The following TXNL4A variants were observed in gnomAD, a reference collection of about 807,000 sequenced individuals.
TXNL4A encodes thioredoxin like 4A.
Under a neutral mutation model 14.6 loss-of-function variants are expected in TXNL4A, and 17 were observed. The observed-to-expected ratio is 1.16, with a 90% CI of 0.80 to 1.74. The LOEUF (loss-of-function observed/expected upper bound fraction) is 1.74, where lower values mean the gene tolerates loss of function less well. TXNL4A is among the 40% of genes most tolerant of loss of function. The probability of loss-of-function intolerance (pLI) is 0.00; values close to 1 mark genes in which losing one functional copy is unlikely to be tolerated. For missense variants in TXNL4A, 74 were observed against 195.2 expected, an observed-to-expected ratio of 0.38 and a Z score of 3.70; for synonymous variants, 83 against 70.6, an observed-to-expected ratio of 1.18 and a Z score of -0.88.
chr18:80,005,280 C>T (rs2051722422), intron 1 of TXNL4A, among the ~76,000 whole-genome samples: 1 of 152,216 alleles, frequency 6.6e-6, no homozygotes, highest in African/African-American at 2.4e-5. Flanking sequence ...TGGCCCCTCC[C>T]TGTGATGACA....
intron 1 of TXNL4A, among the ~76,000 whole-genome samples, chr18:80,007,488 C>T (rs770888392): frequency 8.5e-5 from 13 of 152,172 alleles, no homozygotes; most frequent in African/African-American, 1.9e-4. Flanking sequence ...TGGGTAACAT[C>T]GGGTTCTAAG....
At chr18:79,991,289 C>G (rs2051627208), upstream of TXNL4A, among the ~76,000 whole-genome samples, 1 of 152,070 alleles carries the variant, frequency 6.6e-6, no homozygotes, top group African/African-American at 2.4e-5. Flanking sequence ...ATTTCCCTCC[C>G]ATTCCCTCAG....
At position 79,999,923 on chromosome 18, in the gene TXNL4A, C is replaced by G. The variant is rs541960203; in HGVS notation, c.-60-22222G>C. ...AAGGGGAAACCCCTTTTGCTTGGCT[C>G]CCATTCTCTCTTGCTTGCTGCCATG... is the stretch of plus-strand genomic sequence containing the variant. On this transcript the variant is annotated intron_variant, in intron 1 of 2. Transcript: ENST00000585474. Among the ~76,000 whole-genome samples, 3 of 152,282 alleles carry G rather than the reference C, an allele frequency of 2.0e-5. No individual in the cohort carries two copies. The East Asian group carries it at 5.8e-4, about 29-fold the overall frequency.
chr18:80,013,863 C>A (rs2051788966), intron 1 of TXNL4A, among the ~76,000 whole-genome samples: 1 of 152,196 alleles, frequency 6.6e-6, no homozygotes, highest in Non-Finnish European at 1.5e-5. Context: ...GGAACAACAA[C>A]AACAAAAAGG....
intron 1 of TXNL4A, among the ~76,000 whole-genome samples, chr18:80,004,339 G>A (rs967618522): frequency 6.6e-6 from 1 of 152,162 alleles, no homozygotes; most frequent in African/African-American, 2.4e-5. Context: ...CTCAGTGCAT[G>A]AACTCAGGGA....
upstream of TXNL4A, among the ~76,000 whole-genome samples, chr18:79,989,233 G>A (rs577831928): frequency 1.3e-5 from 2 of 152,116 alleles, no homozygotes; most frequent in East Asian, 3.9e-4. Context: ...TCCTGCCTCC[G>A]CCTCCCCATA....
intron 1 of TXNL4A, among the ~76,000 whole-genome samples, chr18:80,025,471 C>G (rs1235028649): frequency 6.6e-6 from 1 of 152,222 alleles, no homozygotes; most frequent in African/African-American, 2.4e-5. Flanking sequence ...ACCCCAGCTG[C>G]TGCTGATTCC....
chr18:79,984,757 T>C (rs1204126803), intron 1 of TXNL4A, among the ~76,000 whole-genome samples: 1 of 152,200 alleles, frequency 6.6e-6, no homozygotes, highest in Non-Finnish European at 1.5e-5. Flanking sequence ...TACAGGCACA[T>C]GCTACAATGC....
At chr18:79,981,780 C>T (rs1305471934) in intron 1 of TXNL4A, among the ~76,000 whole-genome samples, 1 of 152,314 alleles carries the variant, frequency 6.6e-6, no homozygotes. Flanking sequence ...GCATCTAACC[C>T]GGAGAATTCT....
At chr18:79,986,840 A>G (rs2051556968) in intron 1 of TXNL4A, 1 of 911,624 alleles carries the variant, frequency 1.1e-6, no homozygotes, top group Admixed American at 6.2e-5. Context: ...CTCTTAGTCA[A>G]TTCTTCGCTG....
In TXNL4A at chr18:79,982,660, C is replaced by G. The variant is rs182067008; in HGVS notation, c.154-4959G>C. On this transcript the variant is annotated intron_variant, in intron 1 of 2. Coordinates refer to ENST00000269601, the MANE Select transcript of TXNL4A (RefSeq NM_006701.5). This position sits in a 1 kb window ranked among gnomAD's most constrained non-coding sequence, Gnocchi z 4.0. Reference sequence around the variant, plus strand: ...TATGGGAACGGGGACACTGCAGGGGCTGAAGGACTGAGGAACAGAGGACTT... The same window carrying G: ...TATGGGAACGGGGACACTGCAGGGGGTGAAGGACTGAGGAACAGAGGACTT... Among the ~76,000 whole-genome samples, 1,218 of 152,258 alleles carry G rather than the reference C, an allele frequency of 8.0e-3. 19 individuals are homozygous for G. Among genetic ancestry groups the G allele is most frequent in the African/African-American group, 0.028 (1,146 of 41,524 alleles).
At chr18:80,006,368 A>G (rs1235566928) in intron 1 of TXNL4A, among the ~76,000 whole-genome samples, 1 of 142,460 alleles carries the variant, frequency 7.0e-6, no homozygotes, top group African/African-American at 2.6e-5. Flanking sequence ...TGGGTGACAG[A>G]GTGAGACTCT....
intron 1 of TXNL4A, among the ~76,000 whole-genome samples, chr18:80,022,226 G>A (rs1395243441): frequency 6.6e-6 from 1 of 152,148 alleles, no homozygotes; most frequent in Non-Finnish European, 1.5e-5. Context: ...ATTTCTTGAG[G>A]GGCACTACCA....
chr18:79,972,613 C>CCT lies in TXNL4A; in HGVS notation c.*1071_*1072insAG. 1 of 152,236 alleles carries CCT rather than the reference C, an allele frequency of 6.6e-6. No homozygotes were observed. The highest frequency in any genetic ancestry group is 1.5e-5 in the Non-Finnish European group (1 of 68,114). The allele number at this position is 152,236 out of a possible 1,614,324, so 9.4% of individuals were successfully genotyped here. A position where few individuals can be genotyped will look rare whatever the true frequency, so the allele number is the denominator to read the frequency against. ...CCAAGTAGCTGGGATTACAGGCACG[C>CCT]GCCACCATGCCCAGCTAATTTTTGT... is the stretch of plus-strand genomic sequence containing the variant. On this transcript the variant is annotated 3_prime_UTR_variant, in exon 3 of 3. Coordinates refer to ENST00000269601, the MANE Select transcript of TXNL4A (RefSeq NM_006701.5).
intron 1 of TXNL4A, among the ~76,000 whole-genome samples, chr18:80,016,904 T>G (rs931247392): frequency 2.0e-5 from 3 of 152,164 alleles, no homozygotes; most frequent in Admixed American, 1.3e-4. Flanking sequence ...GTGAAGAAAG[T>G]CATTGGTAGC....
At chr18:79,984,453 TGTG>T (rs1183264468) in intron 1 of TXNL4A, among the ~76,000 whole-genome samples, 8 of 151,886 alleles carry the variant, frequency 5.3e-5, no homozygotes, top group African/African-American at 1.7e-4. Context: ...ATTAGCAGGG[TGTG>T]GTGGTGGTGC....
At chr18:80,024,648 G>A (rs2051872611) in intron 1 of TXNL4A, among the ~76,000 whole-genome samples, 1 of 152,162 alleles carries the variant, frequency 6.6e-6, no homozygotes, top group South Asian at 2.1e-4. Context: ...AGGGTGTCTG[G>A]GAGAAACGCT....
At chr18:80,001,846 C>A (rs533327597) in intron 1 of TXNL4A, among the ~76,000 whole-genome samples, 1 of 152,094 alleles carries the variant, frequency 6.6e-6, no homozygotes, top group African/African-American at 2.4e-5. Flanking sequence ...TGCTGTGTCC[C>A]AGATGAGAGT....
chr18:80,004,353 T>C (rs4799120), intron 1 of TXNL4A, among the ~76,000 whole-genome samples: 119,285 of 152,006 alleles, frequency 0.78, 47,540 homozygotes, highest in East Asian at 0.91. Flanking sequence ...TCAGGGAAAC[T>C]CTCCCTTCAG....
Sources: allele counts gnomAD v4.1 joint callset (sites outside exome capture counted in the v4.1 genomes callset), GRCh38; gene constraint gnomAD v4.1.1; non-coding constraint Gnocchi (gnomAD v3.1); transcripts MANE v1.5; gene names NCBI Gene and HGNC (gene_info 2026-07-23, HGNC 2026-07-21).